Variants in TIAM2 observed in about 807,000 individuals in gnomAD.
TIAM2 encodes rho guanine nucleotide exchange factor TIAM2.
A neutral mutation model predicts 152.9 loss-of-function variants in TIAM2; 80 were observed. The observed-to-expected ratio is 0.52, with a 90% CI of 0.44 to 0.63. TIAM2 has a LOEUF of 0.63. Among genes scored for constraint, TIAM2 ranks in the 30% least tolerant of loss-of-function variants. The probability of loss-of-function intolerance (pLI) is 0.00; values close to 1 mark genes in which losing one functional copy is unlikely to be tolerated. For synonymous variants in TIAM2, 804 were observed against 838.0 expected (o/e 0.96, Z 0.70); for missense variants, 1,965 against 2,120.1 (o/e 0.93, Z 1.44).
At chr6:155,137,754 A>G in intron 5 of TIAM2, 142 bp downstream of exon 5, 2 of 834,362 alleles carry the variant, frequency 2.4e-6, no homozygotes, top group East Asian at 5.4e-5. Context: ...CTTCATGCAG[A>G]TACTTTCTCA....
intron 15 of TIAM2, among the ~76,000 whole-genome samples, chr6:155,216,330 T>C (rs1781860853): frequency 6.6e-6 from 1 of 152,218 alleles, no homozygotes. Flanking sequence ...TAGACCCTGG[T>C]TGAACCTGGG....
intron 7 of TIAM2, among the ~76,000 whole-genome samples, chr6:155,164,133 G>GTTTTGT (rs1780349793): frequency 8.5e-6 from 1 of 118,006 alleles, no homozygotes. Context: ...TAATTTTTGT[G>GTTTTGT]TTTTTTTTTT....
chr6:155,176,914 C>T lies in TIAM2; in HGVS notation c.2460C>T (p.His820=), dbSNP rs1351873959. ...IQTYVHFQDN[H]GVTVGIKPEH... is the part of the protein sequence containing the mutation. Reference sequence around the variant, plus strand: ...CTTATGTCCACTTTCAGGACAATCACGGAGTTACTGTAGGGATCAAGCCAG... The same window carrying T: ...CTTATGTCCACTTTCAGGACAATCATGGAGTTACTGTAGGGATCAAGCCAG... Residue 820 remains histidine, a synonymous_variant, in exon 10 of 27, where the codon CAC becomes CAT. Transcript: ENST00000682666. The T allele has an allele frequency of 4.3e-6, 7 of 1,613,866 alleles. No homozygotes were observed. The highest frequency in any genetic ancestry group is 1.7e-5 in the Admixed American group (1 of 60,000).
In TIAM2 at chr6:155,014,212, A is replaced by G. The variant is rs138176868; in HGVS notation, c.-209+18720A>G. Among the ~76,000 whole-genome samples the G allele has an allele frequency of 6.1e-4, 93 of 151,996 alleles. 1 individual carries two copies. Among genetic ancestry groups the G allele is most frequent in the African/African-American group, 2.2e-3 (90 of 41,446 alleles). ...CTTGAAAATATATTTTTCTTTGTCT[A>G]TTCTTATTTGGTGGAACTGTTTCAT... On this transcript the variant is annotated intron_variant, in intron 1 of 26. Coordinates refer to ENST00000682666, the MANE Select transcript of TIAM2 (RefSeq NM_012454.4).
intron 18 of TIAM2, 66 bp from the exon 19 acceptor site, chr6:155,245,557 A>C (rs959477746): frequency 2.7e-5 from 36 of 1,353,818 alleles, no homozygotes; most frequent in Non-Finnish European, 3.5e-5. Flanking sequence ...GGGGCCGTCA[A>C]ATGCCATAAG....
intron 15 of TIAM2, among the ~76,000 whole-genome samples, chr6:155,239,940 T>C (rs4072397): frequency 0.42 from 63,587 of 152,100 alleles, 14,502 homozygotes; most frequent in Middle Eastern, 0.56. Context: ...ATTACTAGCA[T>C]GTGCACCAGC....
chr6:155,158,432 T>A (rs71575020), intron 7 of TIAM2, among the ~76,000 whole-genome samples: 1 of 152,268 alleles, frequency 6.6e-6, no homozygotes, highest in Non-Finnish European at 1.5e-5. Context: ...ATTAGTAACT[T>A]CCTTTCACAA....
At chr6:155,244,267 G>A (rs1583281359) in intron 17 of TIAM2, among the ~76,000 whole-genome samples, 188 bp downstream of exon 17, 1 of 152,346 alleles carries the variant, frequency 6.6e-6, no homozygotes, top group African/African-American at 2.4e-5. Flanking sequence ...ATGACCCAGT[G>A]GCAGAGTGTT....
chr6:155,134,536 G>A (rs1039339977), intron 4 of TIAM2, among the ~76,000 whole-genome samples: 1 of 152,070 alleles, frequency 6.6e-6, no homozygotes, highest in Non-Finnish European at 1.5e-5. Context: ...CCTTTCTGTG[G>A]CAGAATTGGG....
intron 15 of TIAM2, among the ~76,000 whole-genome samples, chr6:155,235,476 A>G (rs1038896052): frequency 6.6e-6 from 1 of 152,228 alleles, no homozygotes; most frequent in Non-Finnish European, 1.5e-5. Context: ...CTATTCCTAT[A>G]AAGTGCTGAT....
intron 1 of TIAM2, among the ~76,000 whole-genome samples, chr6:155,073,181 T>A (rs1034261263): frequency 3.0e-4 from 45 of 148,512 alleles, no homozygotes; most frequent in African/African-American, 8.2e-4. Context: ...TTTTTTTTTT[T>A]AGACTAAGTC....
chr6:155,167,724 T>A (rs1187263407), intron 9 of TIAM2, among the ~76,000 whole-genome samples: 1 of 152,178 alleles, frequency 6.6e-6, no homozygotes, highest in Non-Finnish European at 1.5e-5. Flanking sequence ...CTCAAATTTC[T>A]GGCCTCAATC....
chr6:155,178,517 C>T (rs1018209569), intron 10 of TIAM2, among the ~76,000 whole-genome samples: 10 of 152,060 alleles, frequency 6.6e-5, no homozygotes, highest in East Asian at 1.9e-4. Context: ...TATTGTTCAG[C>T]GAAAACCTTC....
intron 14 of TIAM2, among the ~76,000 whole-genome samples, chr6:155,200,594 C>G (rs1781452630): frequency 6.6e-6 from 1 of 152,050 alleles, no homozygotes; most frequent in East Asian, 1.9e-4. Context: ...AAAAAAGAAA[C>G]CTGACACCCA....
intron 7 of TIAM2, among the ~76,000 whole-genome samples, chr6:155,157,456 T>C (rs945475072): frequency 1.3e-5 from 2 of 152,032 alleles, no homozygotes; most frequent in African/African-American, 2.4e-5. Context: ...TTCTTTCTTT[T>C]TTTTTTTTAG....
chr6:155,225,167 G>C (rs1369262589), intron 15 of TIAM2, among the ~76,000 whole-genome samples: 4 of 152,072 alleles, frequency 2.6e-5, no homozygotes, highest in African/African-American at 9.7e-5. Context: ...TGTTGTCCAG[G>C]CTTGTCTCGA....
intron 6 of TIAM2, among the ~76,000 whole-genome samples, chr6:155,147,348 C>A (rs1779840870): frequency 6.6e-6 from 1 of 152,008 alleles, no homozygotes; most frequent in Non-Finnish European, 1.5e-5. Flanking sequence ...GCCCTGTCAC[C>A]CAGGCTGGCG....
chr6:154,998,958 AC>A (rs201611357), intron 1 of TIAM2, among the ~76,000 whole-genome samples: 34,226 of 152,046 alleles, frequency 0.23, 4,260 homozygotes, highest in East Asian at 0.38. Flanking sequence ...TCAGTGCCAA[AC>A]ACAATGCCCT....
chr6:155,094,465 T>G (rs1438513996), intron 2 of TIAM2, among the ~76,000 whole-genome samples: 1 of 151,950 alleles, frequency 6.6e-6, no homozygotes, highest in Non-Finnish European at 1.5e-5. Flanking sequence ...TGCCGAAGTA[T>G]ACTTGTAGAA....
Sources: allele counts gnomAD v4.1 joint callset (sites outside exome capture counted in the v4.1 genomes callset), GRCh38; gene constraint gnomAD v4.1.1; transcripts MANE v1.5; gene names NCBI Gene and HGNC (gene_info 2026-07-23, HGNC 2026-07-21).